Variants in CMTM8 observed in about 807,000 individuals in gnomAD.
CMTM8 encodes the protein CKLF like MARVEL transmembrane domain containing 8.
A neutral mutation model predicts 18.6 loss-of-function variants in CMTM8; 12 were observed. The observed-to-expected ratio is 0.65, with a 90% CI of 0.41 to 1.05. The LOEUF (loss-of-function observed/expected upper bound fraction) is 1.05. Among genes scored for constraint, CMTM8 ranks in the 50% least tolerant of loss-of-function variants. The pLI is 0.00. For missense variants in CMTM8, 217 were observed against 227.2 expected (o/e 0.95, Z 0.29); for synonymous variants, 87 against 90.6 (o/e 0.96, Z 0.23).
intron 2 of CMTM8, among the ~76,000 whole-genome samples, chr3:32,360,320 T>C (rs1485582772): frequency 2.6e-5 from 4 of 152,252 alleles, no homozygotes; most frequent in African/African-American, 9.6e-5. Context: ...GTGTGAACTC[T>C]CCCAATTTTA....
At chr3:32,265,245 C>G (rs1452153729) in intron 1 of CMTM8, among the ~76,000 whole-genome samples, 1 of 152,186 alleles carries the variant, frequency 6.6e-6, no homozygotes, top group Non-Finnish European at 1.5e-5. Flanking sequence ...GAAATTATAA[C>G]AAACTGTCTC....
At chr3:32,356,023 A>G (rs534065078) in intron 1 of CMTM8, among the ~76,000 whole-genome samples, 2 of 152,166 alleles carry the variant, frequency 1.3e-5, no homozygotes, top group Non-Finnish European at 2.9e-5. Context: ...CACAGTTGTA[A>G]TCGGTCAGGT....
Position 32,369,909 on chromosome 3 carries a change from G to A in CMTM8, c.464G>A (p.Cys155Tyr). Residue 155 changes from cysteine to tyrosine, a missense_variant, in exon 4 of 4, where the codon TGC (cysteine) becomes TAC (tyrosine). Physicochemically the swap from Cys to Tyr is radical, Grantham distance 194. Transcript: ENST00000307526. ...SSFFAFLVTI[C>Y]YAGNTYFSFI... ...TTCTTTGCCTTCCTGGTCACCATCT[G>A]CTACGCTGGAAATACATATTTCAGT... 1 of 1,609,014 alleles carries A rather than the reference G, an allele frequency of 6.2e-7. No homozygotes were observed. The highest frequency in any genetic ancestry group is 8.5e-7 in the Non-Finnish European group (1 of 1,176,272).
intron 1 of CMTM8, among the ~76,000 whole-genome samples, chr3:32,303,559 C>A (rs1291866723): frequency 6.6e-6 from 1 of 152,122 alleles, no homozygotes; most frequent in Non-Finnish European, 1.5e-5. Context: ...TACTTTCTTC[C>A]CGTATGTTTC....
chr3:32,283,286 T>C (rs1702633026), intron 1 of CMTM8, among the ~76,000 whole-genome samples: 1 of 152,238 alleles, frequency 6.6e-6, no homozygotes, highest in African/African-American at 2.4e-5. Context: ...CATTTCTCTG[T>C]CTTTTCCACC....
chr3:32,346,687 C>T (rs1298422069), intron 1 of CMTM8, among the ~76,000 whole-genome samples: 1 of 152,116 alleles, frequency 6.6e-6, no homozygotes, highest in Non-Finnish European at 1.5e-5. Flanking sequence ...TTATTACCTA[C>T]CAAAGGCCCT....
rs567265907 is a variant in CMTM8 at position 32,264,956 on chromosome 3, G to A, written c.147+25837G>A. Reference sequence around the variant, plus strand: ...AGGAGCACCCAGATTCATAAAGCAAGTCCTTAGAGACCTACATAGAGACTT... The same window carrying A: ...AGGAGCACCCAGATTCATAAAGCAAATCCTTAGAGACCTACATAGAGACTT... On this transcript the variant is annotated intron_variant, in intron 1 of 3. Transcript: ENST00000307526. Among the ~76,000 whole-genome samples, 3 of 152,278 alleles carry A rather than the reference G, an allele frequency of 2.0e-5. No individual in the cohort carries two copies. The East Asian group carries it at 5.8e-4, about 29-fold the overall frequency.
At chr3:32,303,238 A>G (rs531343759) in intron 1 of CMTM8, among the ~76,000 whole-genome samples, 2 of 152,348 alleles carry the variant, frequency 1.3e-5, no homozygotes, top group African/African-American at 4.8e-5. Context: ...AAGATTTCTC[A>G]ACATTCTCTT....
At chr3:32,327,221 A>G (rs1480711513) in intron 1 of CMTM8, among the ~76,000 whole-genome samples, 1 of 152,210 alleles carries the variant, frequency 6.6e-6, no homozygotes, top group Non-Finnish European at 1.5e-5. Context: ...GTCCTTCCAA[A>G]TAGGATTGTA....
At chr3:32,312,025 GA>G (rs1267702913) in intron 1 of CMTM8, among the ~76,000 whole-genome samples, 2 of 152,208 alleles carry the variant, frequency 1.3e-5, no homozygotes, top group African/African-American at 4.8e-5. Flanking sequence ...TTGTTTTCAA[GA>G]ATTCTCCTTG....
intron 1 of CMTM8, among the ~76,000 whole-genome samples, chr3:32,253,387 A>G (rs1380978075): frequency 7.2e-6 from 1 of 138,966 alleles, no homozygotes; most frequent in Admixed American, 7.9e-5. Flanking sequence ...TCTGTCACCC[A>G]GGCTGGAGTG....
At chr3:32,343,970 G>C (rs551324818) in intron 1 of CMTM8, among the ~76,000 whole-genome samples, 1 of 152,312 alleles carries the variant, frequency 6.6e-6, no homozygotes, top group Non-Finnish European at 1.5e-5. Flanking sequence ...CAAAGTGCTG[G>C]GATTACAGGC....
chr3:32,273,143 G>GTGTGTGTT (rs1702466287), intron 1 of CMTM8, among the ~76,000 whole-genome samples: 1 of 151,670 alleles, frequency 6.6e-6, no homozygotes, highest in African/African-American at 2.4e-5. Flanking sequence ...GTGTGTGTGT[G>GTGTGTGTT]TGTGTGTGTG....
intron 1 of CMTM8, among the ~76,000 whole-genome samples, chr3:32,263,853 A>G (rs1426443552): frequency 1.3e-5 from 2 of 152,240 alleles, no homozygotes; most frequent in African/African-American, 4.8e-5. Flanking sequence ...GGTATCAGTG[A>G]TGGAAGATCA....
chr3:32,350,359 C>CTT (rs527757254), intron 1 of CMTM8, among the ~76,000 whole-genome samples: 11,158 of 136,038 alleles, frequency 0.082, 671 homozygotes, highest in Admixed American at 0.17. Context: ...GTGTTCTAAG[C>CTT]TTTTTTTTTT....
intron 1 of CMTM8, among the ~76,000 whole-genome samples, chr3:32,263,478 G>T (rs975656344): frequency 1.3e-4 from 20 of 152,250 alleles, no homozygotes; most frequent in African/African-American, 4.6e-4. Flanking sequence ...ACCAAAGGTA[G>T]ATAAAACCAC....
intron 1 of CMTM8, among the ~76,000 whole-genome samples, chr3:32,264,282 T>TG: frequency 6.6e-6 from 1 of 152,126 alleles, no homozygotes; most frequent in East Asian, 1.9e-4. Flanking sequence ...CAGAAGAGAG[T>TG]GGGGGTCAAT....
intron 1 of CMTM8, among the ~76,000 whole-genome samples, chr3:32,305,055 G>A (rs1482559642): frequency 6.6e-6 from 1 of 152,080 alleles, no homozygotes; most frequent in Non-Finnish European, 1.5e-5. Flanking sequence ...TCCCTTGGGC[G>A]GCATTAGGTA....
In CMTM8 at chr3:32,258,218, G is replaced by T. The variant is rs996958350; in HGVS notation, c.147+19099G>T. On this transcript the variant is annotated intron_variant, in intron 1 of 3. Transcript: ENST00000307526. ...AGAGCTGCAGACAAGAAACTCCCTTGCTTATCATAGTTTGTTCTCAAGTGC... is the reference window on the plus strand; with the variant it reads ...AGAGCTGCAGACAAGAAACTCCCTTTCTTATCATAGTTTGTTCTCAAGTGC... Among the ~76,000 whole-genome samples the T allele has an allele frequency of 6.6e-4, 101 of 152,156 alleles. 1 individual carries two copies. Among genetic ancestry groups the T allele is most frequent in the African/African-American group, 2.3e-3 (95 of 41,506 alleles).
Sources: allele counts gnomAD v4.1 joint callset (sites outside exome capture counted in the v4.1 genomes callset), GRCh38; gene constraint gnomAD v4.1.1; transcripts MANE v1.5; gene names NCBI Gene and HGNC (gene_info 2026-07-23, HGNC 2026-07-21).